The following SEZ6L variants were observed in gnomAD, a reference collection of about 807,000 sequenced individuals.
SEZ6L encodes the protein seizure 6-like protein.
A neutral mutation model predicts 106.2 loss-of-function variants in SEZ6L; 37 were observed. The ratio of observed to expected loss-of-function variants is 0.35; its 90% confidence interval spans 0.27 to 0.46. The LOEUF is 0.46. SEZ6L is among the 20% of genes least tolerant of loss of function. The pLI is 1.00. For synonymous variants in SEZ6L, 541 were observed against 570.4 expected (o/e 0.95, Z 0.73); for missense variants, 1,172 against 1,332.8 (o/e 0.88, Z 1.88).
chr22:26,354,582 G>A (rs1296990508), intron 12 of SEZ6L, among the ~76,000 whole-genome samples: 1 of 152,184 alleles, frequency 6.6e-6, no homozygotes, highest in African/African-American at 2.4e-5. Context: ...ATCAGAAGCA[G>A]CCACTTTAGT....
intron 6 of SEZ6L, among the ~76,000 whole-genome samples, chr22:26,309,419 T>C (rs532496681): frequency 6.6e-6 from 1 of 152,356 alleles, no homozygotes; most frequent in East Asian, 1.9e-4. Flanking sequence ...ACACTGAGGC[T>C]GAAAGGTGTT....
chr22:26,335,083 G>C (rs1401874724), intron 9 of SEZ6L, among the ~76,000 whole-genome samples: 1 of 152,134 alleles, frequency 6.6e-6, no homozygotes, highest in East Asian at 1.9e-4. Context: ...TGCTTACAAA[G>C]GTCCGATTCC....
chr22:26,283,791 T>C (rs1048382235), intron 1 of SEZ6L, among the ~76,000 whole-genome samples: 1 of 150,902 alleles, frequency 6.6e-6, no homozygotes. Context: ...TTCCAGGGGG[T>C]GGAGAAGGAG....
In SEZ6L at chr22:26,228,533, C is replaced by T. The variant is rs183158331; in HGVS notation, c.94+58770C>T. 3.9e-4 allele frequency among the ~76,000 whole-genome samples: 60 copies of T among 152,308 alleles called. No individual in the cohort carries two copies. In the East Asian group the frequency reaches 8.3e-3, roughly 21 times the overall value. On this transcript the variant is annotated intron_variant, in intron 1 of 16. Coordinates refer to ENST00000248933, the MANE Select transcript of SEZ6L (RefSeq NM_021115.5). ...TACCCAGTGGAGAAGAGGACAAAAC[C>T]GTTCAGCCCTCTATGCCTCCTCATG...
At chr22:26,340,413 C>A in intron 9 of SEZ6L, 23 bp from the exon 10 acceptor site, 1 of 1,590,174 alleles carries the variant, frequency 6.3e-7, no homozygotes. Flanking sequence ...TCACATGACT[C>A]TCCCTCTTCT....
chr22:26,249,466 A>G (rs1311879959), intron 1 of SEZ6L, among the ~76,000 whole-genome samples: 1 of 152,160 alleles, frequency 6.6e-6, no homozygotes, highest in Non-Finnish European at 1.5e-5. Flanking sequence ...ATGGCCTCCA[A>G]GCTTATCCTT....
chr22:26,374,640 G>A (rs193016654), intron 14 of SEZ6L, among the ~76,000 whole-genome samples: 72 of 152,126 alleles, frequency 4.7e-4, no homozygotes, highest in Non-Finnish European at 8.1e-4. Context: ...TGGGTATTAG[G>A]ATTGATTTTT....
chr22:26,222,746 T>C (rs1231480522), intron 1 of SEZ6L, among the ~76,000 whole-genome samples: 5 of 152,242 alleles, frequency 3.3e-5, no homozygotes, highest in African/African-American at 7.2e-5. Context: ...TTCATTTATG[T>C]AAGCAGGATA....
chr22:26,240,420 G>A (rs2079090177), intron 1 of SEZ6L, among the ~76,000 whole-genome samples: 1 of 152,102 alleles, frequency 6.6e-6, no homozygotes, highest in Non-Finnish European at 1.5e-5. Flanking sequence ...AATGTGGGCA[G>A]TCATTCCTGA....
intron 1 of SEZ6L, among the ~76,000 whole-genome samples, chr22:26,262,951 C>T (rs75125927): frequency 0.1 from 15,628 of 152,254 alleles, 1,070 homozygotes; most frequent in Middle Eastern, 0.21. Flanking sequence ...CAGCTACATC[C>T]ATTTTCCCTT....
chr22:26,241,572 C>T (rs561081215), intron 1 of SEZ6L, among the ~76,000 whole-genome samples: 2 of 152,172 alleles, frequency 1.3e-5, no homozygotes, highest in Non-Finnish European at 2.9e-5. Context: ...AGCAATTACA[C>T]GGCGAGTTTT....
intron 1 of SEZ6L, among the ~76,000 whole-genome samples, chr22:26,269,093 G>A (rs1038828069): frequency 1.4e-4 from 22 of 152,316 alleles, no homozygotes; most frequent in African/African-American, 4.6e-4. Context: ...TAACTGTGAT[G>A]CTGTTCAATG....
At chr22:26,215,019 G>A (rs1196752947) in intron 1 of SEZ6L, among the ~76,000 whole-genome samples, 2 of 152,220 alleles carry the variant, frequency 1.3e-5, no homozygotes, top group African/African-American at 4.8e-5. Context: ...AGAAATGAAA[G>A]TGGTACATAC....
chr22:26,173,524 G>C (rs1938767240), intron 1 of SEZ6L, among the ~76,000 whole-genome samples: 1 of 152,222 alleles, frequency 6.6e-6, no homozygotes, highest in South Asian at 2.1e-4. Flanking sequence ...AGCGGATGCA[G>C]GAGAGCAGGT....
At chr22:26,328,707 C>G (rs529911069) in intron 9 of SEZ6L, among the ~76,000 whole-genome samples, 1 of 152,064 alleles carries the variant, frequency 6.6e-6, no homozygotes, top group African/African-American at 2.4e-5. Context: ...GACGGCAGGC[C>G]GAGAGCAGGA....
intron 5 of SEZ6L, among the ~76,000 whole-genome samples, chr22:26,299,939 C>G (rs145823235): frequency 0.019 from 2,918 of 152,334 alleles, 88 homozygotes; most frequent in East Asian, 0.059. Flanking sequence ...TTACTTTCCC[C>G]TCAGCAATGT....
intron 3 of SEZ6L, among the ~76,000 whole-genome samples, chr22:26,296,581 C>T (rs1005448825): frequency 6.6e-6 from 1 of 152,226 alleles, no homozygotes; most frequent in African/African-American, 2.4e-5. Flanking sequence ...ATCCCACCCA[C>T]TAGCATCCAG....
intron 1 of SEZ6L, among the ~76,000 whole-genome samples, chr22:26,211,893 T>C (rs991148906): frequency 6.1e-5 from 9 of 146,468 alleles, no homozygotes; most frequent in Non-Finnish European, 1.2e-4. Context: ...AGCAGAATGG[T>C]AAGCAAAGGT....
At chr22:26,216,580 C>G (rs954025750) in intron 1 of SEZ6L, among the ~76,000 whole-genome samples, 21 of 151,996 alleles carry the variant, frequency 1.4e-4, no homozygotes, top group African/African-American at 4.8e-4. Flanking sequence ...CATTTGAACC[C>G]GGGAGGCGGA....
Sources: allele counts gnomAD v4.1 joint callset (sites outside exome capture counted in the v4.1 genomes callset), GRCh38; gene constraint gnomAD v4.1.1; transcripts MANE v1.5; gene names NCBI Gene and HGNC (gene_info 2026-07-23, HGNC 2026-07-21).